The following GPM6A variants were observed in gnomAD, a reference collection of about 807,000 sequenced individuals.
GPM6A encodes the protein glycoprotein M6A.
In GPM6A, 7 loss-of-function variants were observed where a neutral mutation model predicts 32.1. The observed-to-expected ratio is 0.22, with a 90% CI of 0.12 to 0.41. The LOEUF is 0.41. GPM6A is among the 10% of genes least tolerant of loss of function. The pLI is 1.00. For missense variants in GPM6A, 235 were observed against 347.2 expected (o/e 0.68, Z 2.57); for synonymous variants, 130 against 123.4 (o/e 1.05, Z -0.35).
At chr4:175,888,269 A>T (rs1437132155) in intron 1 of GPM6A, among the ~76,000 whole-genome samples, 1 of 152,018 alleles carries the variant, frequency 6.6e-6, no homozygotes, top group Non-Finnish European at 1.5e-5. Flanking sequence ...CGCTTTTATG[A>T]AGAATAAAGG....
At chr4:175,768,917 G>A (rs2111227471) in intron 1 of GPM6A, among the ~76,000 whole-genome samples, 1 of 152,190 alleles carries the variant, frequency 6.6e-6, no homozygotes, top group South Asian at 2.1e-4. Flanking sequence ...CCAACAAGGT[G>A]AAACTCCATC....
intron 1 of GPM6A, among the ~76,000 whole-genome samples, chr4:175,892,476 A>G (rs1431473632): frequency 6.6e-6 from 1 of 152,202 alleles, no homozygotes; most frequent in Non-Finnish European, 1.5e-5. Flanking sequence ...AGTAATGGTC[A>G]CTACTGTGAA....
intron 1 of GPM6A, among the ~76,000 whole-genome samples, chr4:175,743,325 T>C (rs76847183): frequency 0.053 from 8,104 of 152,132 alleles, 382 homozygotes; most frequent in East Asian, 0.28. Flanking sequence ...GTACGTTTTA[T>C]TTAAAGTCAA....
At chr4:175,888,072 T>G (rs1000110606) in intron 1 of GPM6A, among the ~76,000 whole-genome samples, 1 of 151,900 alleles carries the variant, frequency 6.6e-6, no homozygotes, top group Non-Finnish European at 1.5e-5. Flanking sequence ...CAAACTAAAA[T>G]TTTAAAATCT....
intron 1 of GPM6A, among the ~76,000 whole-genome samples, chr4:175,848,741 C>T (rs970634534): frequency 8.6e-5 from 13 of 151,634 alleles, no homozygotes; most frequent in African/African-American, 2.9e-4. Flanking sequence ...ATACATCATT[C>T]TTGACACATG....
intron 1 of GPM6A, among the ~76,000 whole-genome samples, chr4:175,830,953 T>A (rs1735592814): frequency 6.6e-6 from 1 of 152,194 alleles, no homozygotes; most frequent in Non-Finnish European, 1.5e-5. Flanking sequence ...TTTTTATTTA[T>A]CCCCTAAACT....
intron 1 of GPM6A, among the ~76,000 whole-genome samples, chr4:175,915,152 A>G (rs530140855): frequency 1.2e-4 from 18 of 152,368 alleles, no homozygotes; most frequent in Non-Finnish European, 2.2e-4. Flanking sequence ...GTTATTTAAA[A>G]AAGAAAATAC....
intron 1 of GPM6A, among the ~76,000 whole-genome samples, chr4:175,939,854 C>CA (rs553552940): frequency 0.017 from 2,478 of 141,726 alleles, 48 homozygotes; most frequent in African/African-American, 0.052. Flanking sequence ...TCTTAATAAG[C>CA]AAAAAAAAAA....
Position 175,827,568 on chromosome 4 carries a change from G to A in GPM6A, c.-22-15319C>T, listed in dbSNP as rs187140468. 6.0e-3 allele frequency among the ~76,000 whole-genome samples: 916 copies of A among 152,208 alleles called. 4 individuals are homozygous for A. Among genetic ancestry groups the A allele is most frequent in the Non-Finnish European group, 0.011 (726 of 68,010 alleles). ...TGCTTCTATGAAGCAGGCTGGAAAG[G>A]GTGCAAACCAATTAGCTATTTATTC... is the stretch of plus-strand genomic sequence containing the variant. On this transcript the variant is annotated intron_variant, in intron 1 of 7. Coordinates refer to the GPM6A transcript ENST00000280187.
intron 1 of GPM6A, among the ~76,000 whole-genome samples, chr4:175,703,856 C>A (rs982504966): frequency 1.2e-4 from 18 of 152,164 alleles, no homozygotes; most frequent in Non-Finnish European, 2.2e-4. Context: ...CCACCCCACC[C>A]CTCAGATACA....
intron 1 of GPM6A, among the ~76,000 whole-genome samples, chr4:175,992,658 A>G (rs1282741917): frequency 6.6e-6 from 1 of 152,190 alleles, no homozygotes; most frequent in Admixed American, 6.5e-5. Context: ...TAAGCACAAT[A>G]TGCTTCATCT....
At chr4:175,908,022 G>A (rs1199736729) in intron 1 of GPM6A, among the ~76,000 whole-genome samples, 2 of 152,008 alleles carry the variant, frequency 1.3e-5, no homozygotes, top group East Asian at 1.9e-4. Context: ...CAGGAAGCAG[G>A]GAATAAGTGA....
chr4:175,754,001 A>C (rs942499937), intron 1 of GPM6A, among the ~76,000 whole-genome samples: 2 of 152,122 alleles, frequency 1.3e-5, no homozygotes, highest in African/African-American at 4.8e-5. Context: ...ACTTATGTCA[A>C]TTACTCCAAC....
At chr4:175,816,822 T>C (rs1375568647), upstream of GPM6A, among the ~76,000 whole-genome samples, 1 of 152,164 alleles carries the variant, frequency 6.6e-6, no homozygotes, top group Non-Finnish European at 1.5e-5. Context: ...AAGCTCCAAG[T>C]CAGAAACTGA....
chr4:175,635,137 C>A (rs552830910), intron 6 of GPM6A, 80 bp from the exon 7 acceptor site: 3 of 986,788 alleles, frequency 3.0e-6, no homozygotes, highest in Non-Finnish European at 4.6e-6. Context: ...AAGAAGTCTT[C>A]GAATTATAGC....
chr4:175,766,182 T>A (rs1043043168), intron 1 of GPM6A, among the ~76,000 whole-genome samples: 7 of 152,206 alleles, frequency 4.6e-5, no homozygotes, highest in African/African-American at 1.7e-4. Flanking sequence ...ATATGGCACT[T>A]AAGTCAATGT....
intron 1 of GPM6A, among the ~76,000 whole-genome samples, chr4:175,759,418 C>T (rs1306904641): frequency 6.6e-6 from 1 of 152,138 alleles, no homozygotes; most frequent in Non-Finnish European, 1.5e-5. Context: ...ATAAAATTTT[C>T]TTTACCCTTT....
At chr4:175,893,579 C>T (rs1025024311) in intron 1 of GPM6A, among the ~76,000 whole-genome samples, 18 of 152,112 alleles carry the variant, frequency 1.2e-4, no homozygotes, top group African/African-American at 4.3e-4. Flanking sequence ...CCTCCAGCAC[C>T]TTCATGGGGT....
intron 2 of GPM6A, among the ~76,000 whole-genome samples, chr4:175,677,495 G>C (rs1017535571): frequency 6.6e-6 from 1 of 151,952 alleles, no homozygotes; most frequent in Non-Finnish European, 1.5e-5. Context: ...AAATGAATGG[G>C]GGGGAAGAAA....
Sources: allele counts gnomAD v4.1 joint callset (sites outside exome capture counted in the v4.1 genomes callset), GRCh38; gene constraint gnomAD v4.1.1; transcripts MANE v1.5; gene names NCBI Gene and HGNC (gene_info 2026-07-23, HGNC 2026-07-21).